The following UTP20 variants were observed in gnomAD, a reference collection of about 807,000 sequenced individuals.
The protein encoded by UTP20 is UTP20 small subunit processome component.
Under a neutral mutation model 329.5 loss-of-function variants are expected in UTP20, and 164 were observed. The observed-to-expected ratio is 0.50, with a 90% CI of 0.44 to 0.57. The LOEUF (loss-of-function observed/expected upper bound fraction) is 0.57, where lower values mean the gene tolerates loss of function less well. UTP20 is among the 20% of genes least tolerant of loss of function. The pLI is 0.00. For missense variants in UTP20, 3,055 were observed against 3,284.2 expected (o/e 0.93, Z 1.71); for synonymous variants, 1,151 against 1,159.3 (o/e 0.99, Z 0.14).
intron 19 of UTP20, among the ~76,000 whole-genome samples, chr12:101,310,535 A>G (rs1015271936): frequency 4.4e-5 from 6 of 136,866 alleles, no homozygotes; most frequent in African/African-American, 1.7e-4. Context: ...AGATTGCACC[A>G]TTGCACTCCA....
chr12:101,356,868 G>A, intron 42 of UTP20, 58 bp from the exon 43 acceptor site: 2 of 1,548,652 alleles, frequency 1.3e-6, no homozygotes, highest in Non-Finnish European at 1.8e-6. Flanking sequence ...AAGGATATGT[G>A]TATGTTTAAT....
intron 8 of UTP20, chr12:101,291,109 C>T (rs994330416): frequency 5.0e-6 from 2 of 400,946 alleles, no homozygotes; most frequent in African/African-American, 2.1e-5. Flanking sequence ...GCCAGACTGC[C>T]TGTTTGAATC....
intron 19 of UTP20, among the ~76,000 whole-genome samples, chr12:101,310,338 G>A (rs747680308): frequency 2.6e-5 from 4 of 151,922 alleles, no homozygotes; most frequent in Non-Finnish European, 4.4e-5. Context: ...CACTTTGGGC[G>A]GCTGAGGCAG....
intron 25 of UTP20, 95 bp downstream of exon 25, chr12:101,321,724 T>A (rs2137260781): frequency 2.8e-6 from 4 of 1,413,878 alleles, no homozygotes; most frequent in Non-Finnish European, 3.8e-6. Context: ...TGTAATAGAA[T>A]ATTTCATTTT....
rs191114974 is a variant in UTP20 at position 101,306,831 on chromosome 12, T to G, written c.1995+70T>G. On this transcript the variant is annotated intron_variant, in intron 17 of 61. Coordinates refer to ENST00000261637, the MANE Select transcript of UTP20 (RefSeq NM_014503.3). ...TTACATATTATTGTGGTTTCCAAAATGATACCTTTGCAGAAAATTAACACA... is the reference window on the plus strand; with the variant it reads ...TTACATATTATTGTGGTTTCCAAAAGGATACCTTTGCAGAAAATTAACACA... 5 of 1,410,254 alleles carry G rather than the reference T, an allele frequency of 3.5e-6. No individual in the cohort carries two copies. The East Asian group carries it at 1.2e-4, about 33-fold the overall frequency. 87.4% of individuals were successfully genotyped at this position (1,410,254 alleles called of 1,614,324 possible).
At chr12:101,361,601 G>A (rs1014505892) in intron 43 of UTP20, among the ~76,000 whole-genome samples, 1 of 151,620 alleles carries the variant, frequency 6.6e-6, no homozygotes, top group African/African-American at 2.4e-5. Flanking sequence ...ACTCCAGCCT[G>A]CGCTACAAGA....
In UTP20 at chr12:101,291,711, A is replaced by G. The variant is rs369763105; in HGVS notation, c.892-31A>G. 193 of 1,534,594 alleles carry G rather than the reference A, an allele frequency of 1.3e-4. No individual in the cohort carries two copies. The African/African-American group carries it at 2.3e-3, about 18-fold the overall frequency. On this transcript the variant is annotated intron_variant, in intron 8 of 61. Coordinates refer to ENST00000261637, the MANE Select transcript of UTP20 (RefSeq NM_014503.3). ...GATTAACAGTTGAGTTTGATACTTT[A>G]TATTCTCTCTGTTAAATTCTTTGTT...
In UTP20 at chr12:101,383,027, G is replaced by C. The variant is rs758560382; in HGVS notation, c.7657-14G>C. On this transcript the variant is annotated splice_polypyrimidine_tract_variant and intron_variant, in intron 58 of 61. Transcript: ENST00000261637. ...AATGTCCAATTTCTTCCCCCACCCC[G>C]TTTTTTTTTAAAGGTTGTTAAGAAT... 13 of 1,558,090 alleles carry C rather than the reference G, an allele frequency of 8.3e-6. No individual in the cohort carries two copies. The Admixed American group carries it at 1.6e-4, about 19-fold the overall frequency.
intron 32 of UTP20, among the ~76,000 whole-genome samples, chr12:101,341,168 G>A (rs1389522030): frequency 1.3e-5 from 2 of 151,798 alleles, no homozygotes; most frequent in African/African-American, 4.8e-5. Flanking sequence ...AATAGGGATG[G>A]GGTTTCACCG....
chr12:101,309,648 G>T (rs920450757), intron 18 of UTP20, 115 bp from the exon 19 acceptor site: 2 of 933,838 alleles, frequency 2.1e-6, no homozygotes, highest in Admixed American at 2.7e-5. Context: ...TTTTCTTATC[G>T]CACAGGCTTC....
chr12:101,318,273 T>C (rs898409074), intron 22 of UTP20, among the ~76,000 whole-genome samples: 8 of 152,256 alleles, frequency 5.3e-5, no homozygotes, highest in African/African-American at 1.7e-4. Context: ...TTGATGATTG[T>C]CTGAATTGAG....
intron 12 of UTP20, among the ~76,000 whole-genome samples, chr12:101,298,408 T>C (rs1488704786): frequency 6.6e-6 from 1 of 151,886 alleles, no homozygotes; most frequent in Admixed American, 6.6e-5. Flanking sequence ...AGTGAGAGAC[T>C]CTCCAGACAG....
At chr12:101,371,382 T>C (rs934675873) in intron 51 of UTP20, among the ~76,000 whole-genome samples, 1 of 152,004 alleles carries the variant, frequency 6.6e-6, no homozygotes, top group African/African-American at 2.4e-5. Flanking sequence ...GGCTTAGCTT[T>C]CAAGGTGAGG....
chr12:101,372,796 C>G, intron 51 of UTP20, 88 bp from the exon 52 acceptor site: 1 of 1,053,338 alleles, frequency 9.5e-7, no homozygotes, highest in Admixed American at 1.9e-5. Flanking sequence ...GTTTTTATAA[C>G]CTACCAGTGA....
Position 101,293,175 on chromosome 12 carries a change from A to C in UTP20, c.1181A>C (p.Glu394Ala). 6.2e-7 allele frequency: 1 copy of C among 1,614,098 alleles called. No individual in the cohort carries two copies. Among genetic ancestry groups the C allele is most frequent in the Non-Finnish European group, 8.5e-7 (1 of 1,179,972 alleles). Residue 394 changes from glutamate to alanine, a missense_variant, in exon 11 of 62, where the codon GAG becomes GCG. Physicochemically the swap from Glu to Ala is moderately radical, Grantham distance 107. Coordinates refer to ENST00000261637, the MANE Select transcript of UTP20 (RefSeq NM_014503.3). Reference sequence around the variant, plus strand: ...TTTTTACCTTGGTCACAGATATTTGAGAGCAGATTTGAAAAACGTTTAATT... The same window carrying C: ...TTTTTACCTTGGTCACAGATATTTGCGAGCAGATTTGAAAAACGTTTAATT... ...LIKETIEKIF[E>A]SRFEKRLIFS...
chr12:101,293,633 C>T (rs1374766435), intron 11 of UTP20, among the ~76,000 whole-genome samples: 2 of 152,042 alleles, frequency 1.3e-5, no homozygotes, highest in Non-Finnish European at 2.9e-5. Context: ...ATTTTTTTCT[C>T]TTCCTTCTCA....
At position 101,366,540 on chromosome 12, in the gene UTP20, A is replaced by G; in HGVS notation, c.6126-18A>G. On this transcript the variant is annotated intron_variant, in intron 46 of 61. Coordinates refer to ENST00000261637, the MANE Select transcript of UTP20 (RefSeq NM_014503.3). ...TGACAGTGTTCTTTACCCTCTTCTC[A>G]TGCCACGTGATTGACAGAAATCCAG... The G allele has an allele frequency of 5.6e-6, 9 of 1,606,108 alleles. No homozygotes were observed. The highest frequency in any genetic ancestry group is 7.6e-6 in the Non-Finnish European group (9 of 1,176,496).
At chr12:101,307,597 G>A (rs1046832323) in intron 17 of UTP20, among the ~76,000 whole-genome samples, 5 of 152,092 alleles carry the variant, frequency 3.3e-5, no homozygotes, top group Non-Finnish European at 7.4e-5. Flanking sequence ...GGCTGGTCTC[G>A]AACTCCAGAC....
In UTP20 at chr12:101,280,214, C is replaced by T. The variant is rs1871747447; in HGVS notation, c.-69C>T. The T allele has an allele frequency of 5.9e-6, 9 of 1,538,358 alleles. No individual in the cohort carries two copies. Among genetic ancestry groups the T allele is most frequent in the Non-Finnish European group, 7.0e-6 (8 of 1,135,484 alleles). On this transcript the variant is annotated 5_prime_UTR_variant, in exon 1 of 62. Coordinates refer to ENST00000261637, the MANE Select transcript of UTP20 (RefSeq NM_014503.3). The stretch of plus-strand genomic sequence containing the variant: ...GAGTATAGCCTGTGAGCCGCTTTCC[C>T]CTCCTTACTGTCGGTTGCATCCCTT...
Sources: allele counts gnomAD v4.1 joint callset (sites outside exome capture counted in the v4.1 genomes callset), GRCh38; gene constraint gnomAD v4.1.1; transcripts MANE v1.5; gene names NCBI Gene and HGNC (gene_info 2026-07-23, HGNC 2026-07-21).